ARL10: variants seen among roughly 807,000 people sequenced by gnomAD.
The protein encoded by ARL10 is ARF like GTPase 10, also known as ADP-ribosylation factor-like protein 10.
Under a neutral mutation model 26.1 loss-of-function variants are expected in ARL10, and 23 were observed. The observed-to-expected ratio is 0.88, with a 90% confidence interval of 0.63 to 1.25. ARL10 has a LOEUF of 1.25. ARL10 is among the 50% of genes most tolerant of loss of function. The pLI is 0.00. For synonymous variants in ARL10, 138 were observed against 149.1 expected (o/e 0.93, Z 0.54); for missense variants, 300 against 323.6 (o/e 0.93, Z 0.56).
rs1229579383 is a variant in ARL10, at chr5:176,376,073, G to C, written c.*4178G>C. The C allele has an allele frequency of 6.6e-6, 1 of 152,006 alleles. No homozygotes were observed. The highest frequency in any genetic ancestry group is 1.5e-5 in the Non-Finnish European group (1 of 67,992). 9.4% of individuals were successfully genotyped at this position (152,006 alleles called of 1,614,324 possible). A position where few individuals can be genotyped will look rare whatever the true frequency, so the allele number is the denominator to read the frequency against. On this transcript the variant is annotated 3_prime_UTR_variant, in exon 4 of 4. Transcript: ENST00000310389. ...GCAGTAGTGGTGTTTAGAATATCAA[G>C]GTTAGCTGCTGGATGCGGTGGCTCA... is the stretch of plus-strand genomic sequence containing the variant.
downstream of ARL10, chr5:176,389,105 T>C (rs1756147751): frequency 7.9e-7 from 1 of 1,259,584 alleles, no homozygotes; most frequent in Non-Finnish European, 1.1e-6. Flanking sequence ...GGCGGGGCGG[T>C]GAGGGGCGAA....
intron 3 of ARL10, 66 bp downstream of exon 3, chr5:176,369,048 AGGAGC>A (rs1768437226): frequency 6.3e-7 from 1 of 1,585,552 alleles, no homozygotes; most frequent in African/African-American, 1.3e-5. Context: ...GGCAGGGGCA[AGGAGC>A]GCTGCCTGGG....
chr5:176,365,859 G>A (rs972089753), intron 1 of ARL10, 113 bp downstream of exon 1: 2 of 1,140,462 alleles, frequency 1.8e-6, no homozygotes, highest in African/African-American at 1.6e-5. Flanking sequence ...GAGCTTGGGG[G>A]GTCGAGGGCT....
the ARL10 span, among the ~76,000 whole-genome samples, chr5:176,409,484 G>A: frequency 7.6e-6 from 1 of 130,794 alleles, no homozygotes; most frequent in Non-Finnish European, 1.5e-5. Context: ...CACAATCTCA[G>A]CTCACTGCAA....
downstream of ARL10, chr5:176,392,802 G>A: frequency 6.2e-7 from 1 of 1,614,222 alleles, no homozygotes; most frequent in Non-Finnish European, 8.5e-7. The surrounding 1 kb of genome is among the most constrained non-coding windows in gnomAD (Gnocchi z 5.2). Context: ...CTGCTTCAGG[G>A]ACATGAGCAC....
chr5:176,410,166 C>A, the ARL10 span: 28 of 1,132,544 alleles, frequency 2.5e-5, no homozygotes, highest in Non-Finnish European at 2.9e-5. Flanking sequence ...AACAGGAGAA[C>A]CTGGAGCTGT....
chr5:176,396,520 T>C (rs1040731033), intron 1 of ARL10: 1 of 1,613,686 alleles, frequency 6.2e-7, no homozygotes, highest in Admixed American at 1.7e-5. Flanking sequence ...GGTAGAATGC[T>C]TTGTCAGCGA....
chr5:176,397,940 C>A, intron 1 of ARL10: 7 of 1,613,860 alleles, frequency 4.3e-6, no homozygotes, highest in Non-Finnish European at 5.9e-6. Context: ...CCAGCTCTTG[C>A]AGCCGTTTCC....
At chr5:176,392,429 C>T (rs1756292829), downstream of ARL10, 1 of 219,736 alleles carries the variant, frequency 4.6e-6, no homozygotes, top group African/African-American at 2.3e-5. The surrounding 1 kb of genome is among the most constrained non-coding windows in gnomAD (Gnocchi z 5.2). Context: ...AAGTTCTAAG[C>T]ACAAACCGAG....
chr5:176,375,354 T>C lies in ARL10; in HGVS notation c.*3459T>C, dbSNP rs888123066. On this transcript the variant is annotated 3_prime_UTR_variant, in exon 4 of 4. Coordinates refer to ENST00000310389, the MANE Select transcript of ARL10 (RefSeq NM_173664.6). Reference sequence around the variant, plus strand: ...CATCCATCATCCACCCATCCATCCATCCATCCATCCATCTGTGGCTTCTAC... The same window carrying C: ...CATCCATCATCCACCCATCCATCCACCCATCCATCCATCTGTGGCTTCTAC... 4 of 141,812 alleles carry C rather than the reference T, an allele frequency of 2.8e-5. No homozygotes were observed. In the South Asian group the frequency reaches 9.3e-4, roughly 33 times the overall value. 8.8% of individuals were successfully genotyped at this position (141,812 alleles called of 1,614,324 possible). A position where few individuals can be genotyped will look rare whatever the true frequency, so the allele number is the denominator to read the frequency against.
chr5:176,388,403 C>T, exon 2 of ARL10: 2 of 1,613,604 alleles, frequency 1.2e-6, no homozygotes, highest in African/African-American at 2.7e-5. Flanking sequence ...GGCCGAGGCC[C>T]ACGGCCACCC....
downstream of ARL10, chr5:176,389,214 G>A (rs1756157425): frequency 5.4e-6 from 7 of 1,301,348 alleles, no homozygotes; most frequent in South Asian, 6.9e-5. Flanking sequence ...ACCTACCCTC[G>A]CCGCCCTCCC....
At chr5:176,397,915 C>G (rs1336646925) in intron 1 of ARL10, 1 of 1,610,718 alleles carries the variant, frequency 6.2e-7, no homozygotes, top group Non-Finnish European at 8.5e-7. Context: ...AACCCCGCCT[C>G]AGCCCCGCCC....
intron 1 of ARL10, chr5:176,398,099 T>C (rs1469720080): frequency 3.9e-6 from 6 of 1,534,826 alleles, no homozygotes; most frequent in Non-Finnish European, 5.4e-6. Context: ...TGCCCCGCTG[T>C]CTCTGCTGCC....
downstream of ARL10, among the ~76,000 whole-genome samples, chr5:176,390,572 G>C (rs1238428864): frequency 6.6e-6 from 1 of 152,154 alleles, no homozygotes; most frequent in East Asian, 1.9e-4. Flanking sequence ...TGGGATTACA[G>C]GTGTGTGCCA....
chr5:176,412,661 T>C, the ARL10 span, among the ~76,000 whole-genome samples: 1 of 152,272 alleles, frequency 6.6e-6, no homozygotes, highest in South Asian at 2.1e-4. Flanking sequence ...CTTAATCCCA[T>C]GGAAATAATC....
chr5:176,406,366 G>A (rs925800290), downstream of ARL10: 2 of 1,129,116 alleles, frequency 1.8e-6, no homozygotes, highest in East Asian at 8.1e-5. Flanking sequence ...GGGCCCCTCT[G>A]CTGGGCCCAC....
At chr5:176,410,422 A>G in the ARL10 span, 19 of 714,836 alleles carry the variant, frequency 2.7e-5, no homozygotes, top group Non-Finnish European at 3.9e-5. Flanking sequence ...ATCGACCCAC[A>G]TGCAAACAGA....
downstream of ARL10, chr5:176,386,741 C>T (rs772692960): frequency 1.5e-5 from 15 of 1,032,428 alleles, no homozygotes; most frequent in Admixed American, 5.1e-5. Flanking sequence ...CCCTCTGAAA[C>T]TTGGTTTCTC....
Sources: gnomAD v4.1 joint callset for allele counts (sites outside exome capture counted in the v4.1 genomes callset) on GRCh38, gnomAD v4.1.1 for gene constraint, Gnocchi (gnomAD v3.1) non-coding constraint, MANE v1.5 for transcripts, NCBI Gene and HGNC (gene_info 2026-07-23, HGNC 2026-07-21) for gene names.